The following FKBP5 variants were observed in gnomAD, a reference collection of about 807,000 sequenced individuals.
FKBP5 encodes peptidyl-prolyl cis-trans isomerase FKBP5.
FKBP5 carries 23 observed loss-of-function variants against 50.5 expected under a neutral mutation model. The observed-to-expected ratio is 0.46, with a 90% confidence interval of 0.33 to 0.65. The LOEUF is 0.65. Ranked by LOEUF, FKBP5 falls within the 30% of genes least tolerant of loss-of-function variation. FKBP5 has a pLI of 0.02. For missense variants in FKBP5, 411 were observed against 553.1 expected (o/e 0.74, Z 2.58); for synonymous variants, 176 against 190.6 (o/e 0.92, Z 0.63).
At chr6:35,619,374 A>C (rs928841014) in intron 4 of FKBP5, among the ~76,000 whole-genome samples, 164 bp from the exon 5 acceptor site, 3 of 152,162 alleles carry the variant, frequency 2.0e-5, no homozygotes, top group Non-Finnish European at 2.9e-5. Flanking sequence ...CAAAAAAAAA[A>C]AAACCCACTA....
rs1056992763 is a variant in FKBP5, at chr6:35,659,263, T to C, written c.-19-16420A>G. On this transcript the variant is annotated intron_variant, in intron 1 of 10. Coordinates refer to ENST00000357266, the MANE Select transcript of FKBP5 (RefSeq NM_004117.4). ...TGGGAATTCAATTTTTTTTTTTTTTTCGAGACTGAGTTTCGCTCCTGTTGC... is the reference window on the plus strand; with the variant it reads ...TGGGAATTCAATTTTTTTTTTTTTTCCGAGACTGAGTTTCGCTCCTGTTGC... Among the ~76,000 whole-genome samples, 9 of 80,528 alleles carry C rather than the reference T, an allele frequency of 1.1e-4. 4 individuals are homozygous for C. The South Asian group carries it at 2.7e-3, about 24-fold the overall frequency. 52.8% of individuals were successfully genotyped at this position (80,528 alleles called of 152,430 possible).
chr6:35,616,037 G>A (rs1763642629), intron 5 of FKBP5, among the ~76,000 whole-genome samples: 1 of 152,208 alleles, frequency 6.6e-6, no homozygotes, highest in Non-Finnish European at 1.5e-5. Flanking sequence ...AGTAGGCTGG[G>A]TGCGGTGGCT....
intron 8 of FKBP5, chr6:35,586,198 AC>A: frequency 1.0e-6 from 1 of 984,970 alleles, no homozygotes; most frequent in Non-Finnish European, 1.2e-6. Flanking sequence ...ACTGATTAAA[AC>A]AGAATGAAGG....
At chr6:35,640,366 A>ATCT (rs1764449110) in intron 2 of FKBP5, among the ~76,000 whole-genome samples, 1 of 152,226 alleles carries the variant, frequency 6.6e-6, no homozygotes, top group Non-Finnish European at 1.5e-5. Flanking sequence ...CAACATAGAA[A>ATCT]AAGGTACAGT....
At chr6:35,709,004 C>A (rs1327824106) in intron 2 of FKBP5, among the ~76,000 whole-genome samples, 1 of 152,182 alleles carries the variant, frequency 6.6e-6, no homozygotes, top group Non-Finnish European at 1.5e-5. Flanking sequence ...CTTTCACTAG[C>A]AGCCAAACCT....
chr6:35,690,867 A>G (rs9368885), upstream of FKBP5, among the ~76,000 whole-genome samples: 98,413 of 151,604 alleles, frequency 0.65, 32,110 homozygotes, highest in East Asian at 0.68. Flanking sequence ...TTAGCCAGGC[A>G]TGGTGACGCA....
intron 6 of FKBP5, among the ~76,000 whole-genome samples, chr6:35,593,301 C>A (rs536656129): frequency 4.5e-4 from 68 of 152,276 alleles, no homozygotes; most frequent in African/African-American, 1.6e-3. Flanking sequence ...AGAGTTTCCT[C>A]CAGAGAATAG....
At chr6:35,728,000 C>T (rs1287052290) in intron 1 of FKBP5, among the ~76,000 whole-genome samples, 1 of 152,218 alleles carries the variant, frequency 6.6e-6, no homozygotes, top group Admixed American at 6.5e-5. Flanking sequence ...CCCCAGCGTG[C>T]AATCGCATGG....
chr6:35,585,005 G>C (rs1762557727), intron 8 of FKBP5: 2 of 985,226 alleles, frequency 2.0e-6, no homozygotes. Context: ...ACAGCTATAT[G>C]ACAGATGGCT....
At chr6:35,587,169 T>C (rs779070997) in intron 7 of FKBP5, 52 bp from the exon 8 acceptor site, 37 of 1,469,388 alleles carry the variant, frequency 2.5e-5, no homozygotes, top group East Asian at 4.5e-5. Context: ...AAAGCATCAG[T>C]TGAGGCCTAT....
At chr6:35,581,895 G>A (rs1762444053) in intron 8 of FKBP5, 2 of 985,380 alleles carry the variant, frequency 2.0e-6, no homozygotes, top group African/African-American at 1.7e-5. Flanking sequence ...TCTCACTGCC[G>A]AGTTGTCTCT....
At chr6:35,579,522 A>AAGAT (rs1762354785) in intron 9 of FKBP5, among the ~76,000 whole-genome samples, 1 of 152,194 alleles carries the variant, frequency 6.6e-6, no homozygotes, top group Non-Finnish European at 1.5e-5. Flanking sequence ...CAAAAGACCA[A>AAGAT]AGATAGTATT....
intron 1 of FKBP5, among the ~76,000 whole-genome samples, chr6:35,685,660 G>A (rs10947563): frequency 0.77 from 116,715 of 152,064 alleles, 45,194 homozygotes; most frequent in African/African-American, 0.88. Flanking sequence ...TCTTCATGCC[G>A]GGTACAGCAA....
chr6:35,646,078 T>G (rs1464767185), intron 1 of FKBP5, among the ~76,000 whole-genome samples: 1 of 152,160 alleles, frequency 6.6e-6, no homozygotes, highest in Non-Finnish European at 1.5e-5. Context: ...GTCATGCCAC[T>G]GCACTCTAGC....
chr6:35,597,278 T>A lies in FKBP5; in HGVS notation c.635A>T (p.Glu212Val). 1.2e-6 allele frequency: 2 copies of A among 1,614,174 alleles called. No homozygotes were observed. The highest frequency in any genetic ancestry group is 1.7e-6 in the Non-Finnish European group (2 of 1,180,036). The stretch of plus-strand genomic sequence containing the variant: ...TCCAAGATATAAAATACATTGTTCT[T>A]CCCGCTGCATTTTCTCCAGAGCTTT... ...IDKALEKMQR[E>V]EQCILYLGPR... Residue 212 changes from glutamate to valine, a missense_variant, in exon 6 of 11, where the codon GAA (glutamate) becomes GTA (valine). Transcript: ENST00000357266.
At chr6:35,728,290 G>A (rs1766765433) in intron 1 of FKBP5, among the ~76,000 whole-genome samples, 1 of 152,172 alleles carries the variant, frequency 6.6e-6, no homozygotes, top group African/African-American at 2.4e-5. Flanking sequence ...CATACGGCCC[G>A]CTCCTCTGCT....
chr6:35,581,184 GTAGCA>G (rs1762415501), intron 8 of FKBP5: 1 of 982,096 alleles, frequency 1.0e-6, no homozygotes, highest in Non-Finnish European at 1.2e-6. Flanking sequence ...TAGTTGGATA[GTAGCA>G]TACAACATAA....
chr6:35,606,525 T>C (rs1485185767), intron 5 of FKBP5, among the ~76,000 whole-genome samples: 1 of 150,494 alleles, frequency 6.6e-6, no homozygotes, highest in East Asian at 1.9e-4. Flanking sequence ...CCGGGCGTGG[T>C]GGTGGGCGCC....
Position 35,662,856 on chromosome 6 carries a change from T to G in FKBP5, c.-19-20013A>C, listed in dbSNP as rs180724818. Reference sequence around the variant, plus strand: ...TGAATATGAAATGTCTGTAAGACCCTGTTCTAGGAGCTACAAAGAAAACTG... The same window carrying G: ...TGAATATGAAATGTCTGTAAGACCCGGTTCTAGGAGCTACAAAGAAAACTG... On this transcript the variant is annotated intron_variant, in intron 1 of 10. Coordinates refer to ENST00000357266, the MANE Select transcript of FKBP5 (RefSeq NM_004117.4). 1.1e-3 allele frequency among the ~76,000 whole-genome samples: 165 copies of G among 152,322 alleles called. 2 individuals are homozygous for G. The highest frequency in any genetic ancestry group is 3.8e-3 in the African/African-American group (160 of 41,570).
Sources: gnomAD v4.1 joint callset for allele counts (sites outside exome capture counted in the v4.1 genomes callset) on GRCh38, gnomAD v4.1.1 for gene constraint, MANE v1.5 for transcripts, NCBI Gene and HGNC (gene_info 2026-07-23, HGNC 2026-07-21) for gene names.